The following PTPRG variants were observed in gnomAD, a reference collection of about 807,000 sequenced individuals.
The protein encoded by PTPRG is protein tyrosine phosphatase receptor type G, also known as receptor-type tyrosine-protein phosphatase gamma.
In PTPRG, 102 loss-of-function variants were observed where a neutral mutation model predicts 165.3. The ratio of observed to expected loss-of-function variants is 0.62; its 90% CI spans 0.53 to 0.73. The LOEUF (loss-of-function observed/expected upper bound fraction) is 0.73. Ranked by LOEUF, PTPRG falls within the 30% of genes least tolerant of loss-of-function variation. PTPRG has a pLI of 0.00. For synonymous variants in PTPRG, 675 were observed against 669.5 expected (o/e 1.01, Z -0.13); for missense variants, 1,866 against 1,861.4 (o/e 1.00, Z -0.05).
chr3:61,645,587 G>C (rs577873396), intron 1 of PTPRG, among the ~76,000 whole-genome samples: 3 of 152,340 alleles, frequency 2.0e-5, no homozygotes, highest in East Asian at 1.9e-4. Flanking sequence ...GAGAAGCCTC[G>C]TTGCCTTAAC....
chr3:62,036,981 A>ACGCGCACG (rs1553707727), intron 4 of PTPRG, among the ~76,000 whole-genome samples: 1 of 111,848 alleles, frequency 8.9e-6, no homozygotes, highest in Non-Finnish European at 1.9e-5. Flanking sequence ...GCGCGCGCGC[A>ACGCGCACG]CGCACACACA....
intron 4 of PTPRG, among the ~76,000 whole-genome samples, chr3:62,018,621 A>G (rs1481417965): frequency 1.3e-5 from 2 of 152,198 alleles, no homozygotes; most frequent in Non-Finnish European, 2.9e-5. Flanking sequence ...AAAGAGCAAA[A>G]TGTAAGCACT....
At chr3:62,221,145 T>C (rs1700641940) in intron 13 of PTPRG, among the ~76,000 whole-genome samples, 2 of 152,246 alleles carry the variant, frequency 1.3e-5, no homozygotes, top group Non-Finnish European at 2.9e-5. Flanking sequence ...CTGTTTATAC[T>C]TCTGAAAATC....
chr3:61,704,628 C>G (rs1053441695), intron 1 of PTPRG, among the ~76,000 whole-genome samples: 4 of 146,716 alleles, frequency 2.7e-5, no homozygotes, highest in African/African-American at 1.0e-4. Context: ...GTTAAATTCT[C>G]TTCTAAATGC....
At chr3:61,991,375 T>G (rs771991744) in intron 3 of PTPRG, among the ~76,000 whole-genome samples, 4 of 152,038 alleles carry the variant, frequency 2.6e-5, no homozygotes, top group Admixed American at 6.6e-5. Flanking sequence ...CCAGCTAGTT[T>G]TTGTGTTTTT....
At chr3:62,162,434 A>G (rs1476572183) in intron 7 of PTPRG, among the ~76,000 whole-genome samples, 1 of 152,222 alleles carries the variant, frequency 6.6e-6, no homozygotes, top group Non-Finnish European at 1.5e-5. Flanking sequence ...ATTTTTACTA[A>G]ATGATAAAGA....
At chr3:61,914,646 A>C (rs780616329) in intron 2 of PTPRG, among the ~76,000 whole-genome samples, 1 of 152,218 alleles carries the variant, frequency 6.6e-6, no homozygotes, top group Non-Finnish European at 1.5e-5. Context: ...TTTAGAGTCA[A>C]GTACCTTCCT....
intron 1 of PTPRG, among the ~76,000 whole-genome samples, chr3:61,620,089 A>T (rs1352226576): frequency 6.6e-6 from 1 of 152,152 alleles, no homozygotes; most frequent in Non-Finnish European, 1.5e-5. Flanking sequence ...ACTAGTATTG[A>T]GTAGAATAAT....
chr3:62,167,590 C>T (rs1705042021), intron 7 of PTPRG, among the ~76,000 whole-genome samples: 1 of 152,126 alleles, frequency 6.6e-6, no homozygotes, highest in Admixed American at 6.6e-5. Flanking sequence ...CATACCCAGG[C>T]AGTCTGGCTC....
At chr3:62,051,575 C>G (rs77366697) in intron 4 of PTPRG, among the ~76,000 whole-genome samples, 15,355 of 152,188 alleles carry the variant, frequency 0.1, 993 homozygotes, top group Middle Eastern at 0.21. Flanking sequence ...CCCCTTGAGA[C>G]CTATTCAAAT....
At chr3:61,730,941 T>A (rs994205873) in intron 1 of PTPRG, among the ~76,000 whole-genome samples, 2 of 152,216 alleles carry the variant, frequency 1.3e-5, no homozygotes, top group Admixed American at 1.3e-4. Context: ...TCAGAAATAG[T>A]AATGACTATA....
In PTPRG at chr3:61,738,322, A is replaced by ATG. The variant is rs1559583465; in HGVS notation, c.86-10555_86-10554insGT. ...TATATATATATATATACATATATAT[A>ATG]TATATATATATATATGTATATATAT... On this transcript the variant is annotated intron_variant, in intron 1 of 29. Transcript: ENST00000474889. Among the ~76,000 whole-genome samples, 13 of 46,738 alleles carry ATG rather than the reference A, an allele frequency of 2.8e-4. 1 individual carries two copies. Among genetic ancestry groups the ATG allele is most frequent in the African/African-American group, 7.6e-4 (12 of 15,784 alleles). 30.7% of individuals were successfully genotyped at this position (46,738 alleles called of 152,430 possible). A position where few individuals can be genotyped will look rare whatever the true frequency, so the allele number is the denominator to read the frequency against.
intron 2 of PTPRG, among the ~76,000 whole-genome samples, chr3:61,885,678 T>TCCC (rs1559669112): frequency 1.0e-4 from 9 of 85,812 alleles, no homozygotes; most frequent in Admixed American, 2.2e-4. Flanking sequence ...TCTCCTCTCC[T>TCCC]CTCCTCTCCT....
chr3:61,726,644 A>C (rs1319143262), intron 1 of PTPRG, among the ~76,000 whole-genome samples: 2 of 152,146 alleles, frequency 1.3e-5, no homozygotes, highest in Non-Finnish European at 2.9e-5. Flanking sequence ...CGATGCCTGA[A>C]GTTTTGCCAT....
intron 27 of PTPRG, among the ~76,000 whole-genome samples, 173 bp from the exon 28 acceptor site, chr3:62,282,554 C>CA (rs5849472): frequency 0.18 from 25,429 of 138,444 alleles, 2,328 homozygotes; most frequent in Non-Finnish European, 0.21. Flanking sequence ...AACAAAAAAA[C>CA]AAAAAAAAAA....
At chr3:61,975,556 C>T (rs1230946141) in intron 2 of PTPRG, among the ~76,000 whole-genome samples, 4 of 152,156 alleles carry the variant, frequency 2.6e-5, no homozygotes, top group Admixed American at 6.5e-5. Flanking sequence ...ACACTGTCTT[C>T]GTCATCCATG....
intron 1 of PTPRG, among the ~76,000 whole-genome samples, chr3:61,687,939 A>G (rs187316034): frequency 6.6e-6 from 1 of 152,326 alleles, no homozygotes; most frequent in African/African-American, 2.4e-5. Flanking sequence ...GGGTTTGGGA[A>G]GCTCAGACAT....
At chr3:62,093,349 A>G (rs1702006610) in intron 5 of PTPRG, among the ~76,000 whole-genome samples, 2 of 152,212 alleles carry the variant, frequency 1.3e-5, no homozygotes, top group African/African-American at 4.8e-5. Flanking sequence ...TCTGCTTCCC[A>G]GAGTCACACC....
At chr3:62,139,331 C>T (rs1703835997) in intron 6 of PTPRG, among the ~76,000 whole-genome samples, 1 of 152,034 alleles carries the variant, frequency 6.6e-6, no homozygotes. Flanking sequence ...TGGTGGCGGG[C>T]ACCTGTAATC....
Sources: gnomAD v4.1 joint callset for allele counts (sites outside exome capture counted in the v4.1 genomes callset) on GRCh38, gnomAD v4.1.1 for gene constraint, MANE v1.5 for transcripts, NCBI Gene and HGNC (gene_info 2026-07-23, HGNC 2026-07-21) for gene names.